HNRNPUL1: variants seen among roughly 807,000 people sequenced by gnomAD.
The protein encoded by HNRNPUL1 is heterogeneous nuclear ribonucleoprotein U like 1.
A neutral mutation model predicts 108.5 loss-of-function variants in HNRNPUL1; 14 were observed. The observed-to-expected ratio is 0.13, with a 90% CI of 0.09 to 0.20. The LOEUF is 0.20. HNRNPUL1 is among the 10% of genes least tolerant of loss of function. The pLI is 1.00. For synonymous variants in HNRNPUL1, 422 were observed against 445.2 expected (o/e 0.95, Z 0.66); for missense variants, 804 against 1,168.3 (o/e 0.69, Z 4.55).
At chr19:41,293,981 T>A (rs12976536) in intron 8 of HNRNPUL1, among the ~76,000 whole-genome samples, 20,949 of 152,200 alleles carry the variant, frequency 0.14, 1,669 homozygotes, top group East Asian at 0.27. Context: ...CACGCCAGCC[T>A]GGGCAATAGA....
At chr19:41,285,325 C>G (rs1460692350) in intron 7 of HNRNPUL1, among the ~76,000 whole-genome samples, 1 of 152,162 alleles carries the variant, frequency 6.6e-6, no homozygotes, top group Non-Finnish European at 1.5e-5. Context: ...CTCCCCGGTT[C>G]AAGCTATTCT....
In HNRNPUL1 at chr19:41,305,714, C is replaced by T. The variant is rs770511218; in HGVS notation, c.2301C>T (p.Tyr767=). 2.4e-5 allele frequency: 39 copies of T among 1,614,064 alleles called. No homozygotes were observed. Among genetic ancestry groups the T allele is most frequent in the Non-Finnish European group, 3.1e-5 (36 of 1,180,030 alleles). ...AGCCACCCTACAACCAGGGAGGTTA[C>T]AGCCAGGGCTACACAGCCCCACCGC... is the stretch of plus-strand genomic sequence containing the variant. The part of the protein sequence containing the change: ...YSQPPYNQGG[Y]SQGYTAPPPP... The change falls in exon 14 of 15, where the codon TAC becomes TAT. Residue 767 remains tyrosine (Y), a synonymous_variant. Coordinates refer to ENST00000392006, the MANE Select transcript of HNRNPUL1 (RefSeq NM_007040.6).
Position 41,294,619 on chromosome 19 carries a change from C to T in HNRNPUL1, c.1451C>T (p.Ala484Val), listed in dbSNP as rs765953796. The T allele has an allele frequency of 1.9e-6, 3 of 1,614,176 alleles. No individual in the cohort carries two copies. Among genetic ancestry groups the T allele is most frequent in the Non-Finnish European group, 2.5e-6 (3 of 1,180,030 alleles). The change falls in exon 10 of 15, where the codon GCC becomes GTC. Residue 484 changes from alanine to valine, a missense_variant. Physicochemically the swap from Ala to Val is moderately conservative, Grantham distance 64. This residue lies in a region of HNRNPUL1 where 80 missense variants were observed against 221.8 expected (regional missense o/e 0.36). Coordinates refer to ENST00000392006, the MANE Select transcript of HNRNPUL1 (RefSeq NM_007040.6). This position sits in a 1 kb window ranked among gnomAD's most constrained non-coding sequence, Gnocchi z 4.3. ...AGRWDVLIQQ[A>V]TQCLNRLIQI... Reference sequence around the variant, plus strand: ...CGCTGGGATGTCCTGATCCAGCAGGCCACCCAGTGCCTCAACCGCCTCATC... The same window carrying T: ...CGCTGGGATGTCCTGATCCAGCAGGTCACCCAGTGCCTCAACCGCCTCATC...
chr19:41,293,373 A>G lies in HNRNPUL1; in HGVS notation c.1266+862A>G, dbSNP rs571178296. On this transcript the variant is annotated intron_variant, in intron 8 of 14. Coordinates refer to ENST00000392006, the MANE Select transcript of HNRNPUL1 (RefSeq NM_007040.6). The stretch of plus-strand genomic sequence containing the variant: ...AGCATTATGATACCCTGCTCTTTTC[A>G]CTTCACATTATTTTGTGAGCTTTAT... Among the ~76,000 whole-genome samples, 11 of 152,198 alleles carry G rather than the reference A, an allele frequency of 7.2e-5. No individual in the cohort carries two copies. The East Asian group carries it at 2.1e-3, about 29-fold the overall frequency.
intron 5 of HNRNPUL1, 104 bp from the exon 6 acceptor site, chr19:41,278,973 G>A: frequency 2.5e-6 from 2 of 811,812 alleles, no homozygotes; most frequent in Non-Finnish European, 4.2e-6. Context: ...AGCAAGAAAA[G>A]CCATTGCTAT....
chr19:41,276,448 A>T, intron 5 of HNRNPUL1, 150 bp downstream of exon 5: 1 of 746,090 alleles, frequency 1.3e-6, no homozygotes, highest in Non-Finnish European at 2.1e-6. Context: ...TGAACTCAAG[A>T]CAACTACATC....
intron 1 of HNRNPUL1, chr19:41,267,994 T>C: frequency 2.5e-6 from 1 of 394,416 alleles, no homozygotes; most frequent in Non-Finnish European, 4.5e-6. Context: ...AATTTTTGTG[T>C]GTCTTTAAGA....
chr19:41,271,153 C>T (rs932292566), intron 2 of HNRNPUL1, among the ~76,000 whole-genome samples: 2 of 152,164 alleles, frequency 1.3e-5, no homozygotes, highest in Admixed American at 6.5e-5. Context: ...TTTTGTCTAA[C>T]GCCATTCTGG....
intron 5 of HNRNPUL1, chr19:41,278,563 A>G (rs942216784): frequency 6.5e-6 from 1 of 153,812 alleles, no homozygotes; most frequent in African/African-American, 2.4e-5. Flanking sequence ...TAGTGTATCT[A>G]TAGGATGCTG....
intron 7 of HNRNPUL1, 105 bp downstream of exon 7, chr19:41,281,380 C>T (rs772581197): frequency 1.0e-5 from 7 of 699,064 alleles, no homozygotes; most frequent in African/African-American, 3.6e-5. Context: ...CAGCCACTCT[C>T]GCCATACTTC....
intron 12 of HNRNPUL1, 117 bp from the exon 13 acceptor site, chr19:41,303,855 T>C (rs1208060066): frequency 1.6e-6 from 2 of 1,258,604 alleles, no homozygotes; most frequent in South Asian, 1.4e-5. Context: ...TTGTTCACCT[T>C]GAGTTCTTGC....
At chr19:41,304,470 T>G (rs2123000938) in intron 13 of HNRNPUL1, among the ~76,000 whole-genome samples, 1 of 151,810 alleles carries the variant, frequency 6.6e-6, no homozygotes, top group East Asian at 1.9e-4. Context: ...AACCCAGGAG[T>G]AAATGTAGAC....
chr19:41,298,029 C>G (rs1183674584), intron 10 of HNRNPUL1, among the ~76,000 whole-genome samples: 1 of 152,166 alleles, frequency 6.6e-6, no homozygotes, highest in African/African-American at 2.4e-5. Flanking sequence ...TCACTCTGAG[C>G]CCAAAGTAAA....
chr19:41,270,401 C>CA (rs2035153283), intron 2 of HNRNPUL1, among the ~76,000 whole-genome samples: 1 of 151,698 alleles, frequency 6.6e-6, no homozygotes, highest in Admixed American at 6.6e-5. Context: ...CCTCTGTCTC[C>CA]AAAAAAATTT....
intron 2 of HNRNPUL1, 60 bp downstream of exon 2, chr19:41,268,405 C>CTTAA (rs556777388): frequency 2.2e-5 from 35 of 1,566,456 alleles, no homozygotes; most frequent in Non-Finnish European, 2.9e-5. Context: ...GAGCCTTTAC[C>CTTAA]CCCTGCTTAG....
chr19:41,272,671 C>T (rs889000181), intron 3 of HNRNPUL1, among the ~76,000 whole-genome samples: 3 of 152,250 alleles, frequency 2.0e-5, no homozygotes, highest in African/African-American at 7.2e-5. Context: ...ACACTAGCAA[C>T]ATACAGATGG....
chr19:41,269,945 T>C (rs1250411355), intron 2 of HNRNPUL1, among the ~76,000 whole-genome samples: 4 of 150,744 alleles, frequency 2.7e-5, no homozygotes, highest in Non-Finnish European at 5.9e-5. Flanking sequence ...AATAAAAATA[T>C]TACCTGAGCA....
At chr19:41,281,331 C>G in intron 7 of HNRNPUL1, 56 bp downstream of exon 7, 4 of 1,164,302 alleles carry the variant, frequency 3.4e-6, no homozygotes, top group Non-Finnish European at 5.2e-6. Flanking sequence ...CTACAGACTT[C>G]TTTTTCAGGA....
intron 14 of HNRNPUL1, among the ~76,000 whole-genome samples, chr19:41,306,186 C>G (rs1394319275): frequency 6.6e-6 from 1 of 152,166 alleles, no homozygotes; most frequent in Admixed American, 6.5e-5. Context: ...GGCCCCCATA[C>G]CTGTTACTAA....
Sources: allele counts gnomAD v4.1 joint callset (sites outside exome capture counted in the v4.1 genomes callset), GRCh38; gene constraint gnomAD v4.1.1; regional missense constraint gnomAD v4.1.1; non-coding constraint Gnocchi (gnomAD v3.1); transcripts MANE v1.5; gene names NCBI Gene and HGNC (gene_info 2026-07-23, HGNC 2026-07-21).